Variants in JAKMIP1 observed in about 807,000 individuals in gnomAD.
The protein encoded by JAKMIP1 is janus kinase and microtubule interacting protein 1, also known as janus kinase and microtubule-interacting protein 1.
Under a neutral mutation model 113.0 loss-of-function variants are expected in JAKMIP1, and 33 were observed. The observed-to-expected ratio is 0.29, with a 90% CI of 0.22 to 0.39. The LOEUF is 0.39. Ranked by LOEUF, JAKMIP1 falls within the 10% of genes least tolerant of loss-of-function variation. JAKMIP1 has a pLI of 1.00. For missense variants in JAKMIP1, 813 were observed against 1,080.5 expected, an observed-to-expected ratio of 0.75 and a Z score of 3.47; for synonymous variants, 480 against 459.9, an observed-to-expected ratio of 1.04 and a Z score of -0.56.
intron 3 of JAKMIP1, among the ~76,000 whole-genome samples, chr4:6,101,695 T>C (rs943393193): frequency 1.5e-5 from 2 of 134,778 alleles, no homozygotes; most frequent in Non-Finnish European, 3.0e-5. Flanking sequence ...GAGACCAACC[T>C]GGCCAACATG....
At chr4:6,062,907 G>A (rs1410206286) in intron 9 of JAKMIP1, among the ~76,000 whole-genome samples, 1 of 152,238 alleles carries the variant, frequency 6.6e-6, no homozygotes, top group African/African-American at 2.4e-5. Context: ...AGCACTTTGG[G>A]AGGCTGAGGC....
At chr4:6,068,197 A>G (rs895901499) in intron 8 of JAKMIP1, among the ~76,000 whole-genome samples, 2 of 152,356 alleles carry the variant, frequency 1.3e-5, no homozygotes, top group Admixed American at 6.5e-5. Flanking sequence ...CAGGACTGCT[A>G]GTTAAGGACT....
At chr4:6,111,075 T>C (rs1714858451) in intron 2 of JAKMIP1, among the ~76,000 whole-genome samples, 1 of 152,030 alleles carries the variant, frequency 6.6e-6, no homozygotes, top group African/African-American at 2.4e-5. Context: ...CCCAGTCCCC[T>C]GGTCCAGAAC....
Position 6,137,511 on chromosome 4 carries a change from CT to C in JAKMIP1, c.-147-24515del, listed in dbSNP as rs1719417141. Reference sequence around the variant, plus strand: ...GCTAAGTAGGAACCCCCTTCAAGTCCTTTGCTCAGGGAAATCAGGAGCTGTG... The same window carrying C: ...GCTAAGTAGGAACCCCCTTCAAGTCCTTGCTCAGGGAAATCAGGAGCTGTG... On this transcript the variant is annotated intron_variant, in intron 1 of 20. Coordinates refer to ENST00000409021, the MANE Select transcript of JAKMIP1 (RefSeq NM_001099433.2). The surrounding 1 kb of genome is among the most constrained non-coding windows in gnomAD (Gnocchi z 4.5). 6.6e-6 allele frequency among the ~76,000 whole-genome samples: 1 copy of C among 152,248 alleles called. No homozygotes were observed. The highest frequency in any genetic ancestry group is 6.5e-5 in the Admixed American group (1 of 15,286).
Position 6,167,543 on chromosome 4 carries a change from A to G in JAKMIP1, c.-148+32710T>C, listed in dbSNP as rs1006319200. On this transcript the variant is annotated intron_variant, in intron 1 of 20. Transcript: ENST00000409021. This position sits in a 1 kb window ranked among gnomAD's most constrained non-coding sequence, Gnocchi z 5.3. ...AAGGGCCCTGAGCTTTGAAGGGCCC[A>G]TGCTTAGTGCTCTTCTGATGCCATC... Among the ~76,000 whole-genome samples the G allele has an allele frequency of 6.6e-6, 1 of 152,258 alleles. No homozygotes were observed. Among genetic ancestry groups the G allele is most frequent in the Admixed American group, 6.5e-5 (1 of 15,294 alleles).
At chr4:6,123,778 G>A (rs1303242156) in intron 1 of JAKMIP1, among the ~76,000 whole-genome samples, 2 of 152,066 alleles carry the variant, frequency 1.3e-5, no homozygotes, top group Non-Finnish European at 2.9e-5. Flanking sequence ...TTATGGTGGC[G>A]CCACTGCACT....
intron 1 of JAKMIP1, among the ~76,000 whole-genome samples, chr4:6,189,342 C>A (rs773827788): frequency 1.2e-4 from 19 of 152,212 alleles, no homozygotes; most frequent in Non-Finnish European, 2.4e-4. Context: ...TGGACTGATA[C>A]AACAATCAGG....
intron 3 of JAKMIP1, among the ~76,000 whole-genome samples, chr4:6,100,945 A>G (rs1287614653): frequency 6.6e-6 from 1 of 152,136 alleles, no homozygotes; most frequent in Non-Finnish European, 1.5e-5. Flanking sequence ...AATCTGCACA[A>G]AAGTTCTTTG....
chr4:6,084,056 G>T (rs866841424), intron 5 of JAKMIP1, among the ~76,000 whole-genome samples: 1 of 152,166 alleles, frequency 6.6e-6, no homozygotes, highest in African/African-American at 2.4e-5. Context: ...GGTGGCTCTT[G>T]TGTGTAATCC....
Position 6,157,785 on chromosome 4 carries a change from G to A in JAKMIP1, c.-148+42468C>T, listed in dbSNP as rs911592171. On this transcript the variant is annotated intron_variant, in intron 1 of 20. Coordinates refer to ENST00000409021, the MANE Select transcript of JAKMIP1 (RefSeq NM_001099433.2). This position sits in a 1 kb window ranked among gnomAD's most constrained non-coding sequence, Gnocchi z 4.7. ...AGCCATGAAGCAGCACACCCAGTAG[G>A]GTGTGAGTGAGGGACCGTAGAGTCG... Among the ~76,000 whole-genome samples, 2 of 152,202 alleles carry A rather than the reference G, an allele frequency of 1.3e-5. No individual in the cohort carries two copies. Among genetic ancestry groups the A allele is most frequent in the African/African-American group, 4.8e-5 (2 of 41,432 alleles).
intron 2 of JAKMIP1, among the ~76,000 whole-genome samples, chr4:6,111,236 C>G (rs73198062): frequency 0.11 from 17,201 of 152,232 alleles, 1,067 homozygotes; most frequent in Non-Finnish European, 0.14. Flanking sequence ...TGCTGCAATT[C>G]CCCAAGCAGC....
rs1327857558 is a variant in JAKMIP1 at position 6,048,930 on chromosome 4, A to T, written c.1963-8T>A. The T allele has an allele frequency of 6.2e-7, 1 of 1,613,132 alleles. No individual in the cohort carries two copies. The highest frequency in any genetic ancestry group is 1.3e-5 in the African/African-American group (1 of 75,012). ...TTCTTCATTTCTCAAATTCTAAAAC[A>T]CAAAAATGGGCAAGGGCATTTGACA... On this transcript the variant is annotated splice_polypyrimidine_tract_variant and splice_region_variant and intron_variant, in intron 15 of 20. Coordinates refer to ENST00000409021, the MANE Select transcript of JAKMIP1 (RefSeq NM_001099433.2).
chr4:6,194,342 A>G lies in JAKMIP1; in HGVS notation c.-148+5911T>C, dbSNP rs1432421340. On this transcript the variant is annotated intron_variant, in intron 1 of 20. Coordinates refer to ENST00000409021, the MANE Select transcript of JAKMIP1 (RefSeq NM_001099433.2). This position sits in a 1 kb window ranked among gnomAD's most constrained non-coding sequence, Gnocchi z 7.4. ...AAGAAGGGGAAAAAGAATTGCTTCA[A>G]TGGAAGACACAGGTTGTGATCTCAT... is the stretch of plus-strand genomic sequence containing the variant. 6.6e-6 allele frequency: 1 copy of G among 152,112 alleles called. No individual in the cohort carries two copies. Among genetic ancestry groups the G allele is most frequent in the Non-Finnish European group, 1.5e-5 (1 of 68,024 alleles). The allele number at this position is 152,112 out of a possible 1,614,324, so 9.4% of individuals were successfully genotyped here. A position where few individuals can be genotyped will look rare whatever the true frequency, so the allele number is the denominator to read the frequency against.
At chr4:6,152,056 G>C (rs1269448401) in intron 1 of JAKMIP1, among the ~76,000 whole-genome samples, 5 of 151,844 alleles carry the variant, frequency 3.3e-5, no homozygotes, top group African/African-American at 1.2e-4. Flanking sequence ...AAGGAAGCAG[G>C]CGAAGGAGGA....
chr4:6,096,179 C>T (rs189652280), intron 3 of JAKMIP1, among the ~76,000 whole-genome samples: 15 of 152,308 alleles, frequency 9.8e-5, no homozygotes, highest in African/African-American at 2.6e-4. Context: ...TCTCTTTTGA[C>T]ACTTAAATTA....
At position 6,031,547 on chromosome 4, in the gene JAKMIP1, T is replaced by C. The variant is rs962377047; in HGVS notation, c.2380-1766A>G. ...GGAATTCCAGGCAGAGGGAACGGCATGTGCAGGAGGCCAAGAGGCCTTTGG... is the reference window on the plus strand; with the variant it reads ...GGAATTCCAGGCAGAGGGAACGGCACGTGCAGGAGGCCAAGAGGCCTTTGG... On this transcript the variant is annotated intron_variant, in intron 19 of 20. Coordinates refer to ENST00000409021, the MANE Select transcript of JAKMIP1 (RefSeq NM_001099433.2). The surrounding 1 kb of genome is among the most constrained non-coding windows in gnomAD (Gnocchi z 4.4). Among the ~76,000 whole-genome samples, 1 of 151,958 alleles carries C rather than the reference T, an allele frequency of 6.6e-6. No homozygotes were observed. Among genetic ancestry groups the C allele is most frequent in the Non-Finnish European group, 1.5e-5 (1 of 67,990 alleles).
At chr4:6,133,162 G>A (rs1389036589) in intron 1 of JAKMIP1, among the ~76,000 whole-genome samples, 1 of 152,064 alleles carries the variant, frequency 6.6e-6, no homozygotes, top group Non-Finnish European at 1.5e-5. Context: ...TGACAAATCT[G>A]AATGAAAATC....
chr4:6,039,829 C>T (rs1171964140), intron 18 of JAKMIP1, among the ~76,000 whole-genome samples: 1 of 152,220 alleles, frequency 6.6e-6, no homozygotes, highest in South Asian at 2.1e-4. Context: ...CTCTGTCTTC[C>T]TGGAGCCTGT....
In JAKMIP1 at chr4:6,088,105, C is replaced by T. The variant is rs75250628; in HGVS notation, c.625-2476G>A. On this transcript the variant is annotated intron_variant, in intron 3 of 20. Transcript: ENST00000409021. The surrounding 1 kb of genome is among the most constrained non-coding windows in gnomAD (Gnocchi z 5.5). ...CTCAAGCACGCTTTCATTAACTCAA[C>T]ACATGCTGAGCTGAGCGCTATCAGT... 0.011 allele frequency among the ~76,000 whole-genome samples: 1,738 copies of T among 152,352 alleles called. 42 individuals are homozygous for T. Among genetic ancestry groups the T allele is most frequent in the African/African-American group, 0.039 (1,615 of 41,586 alleles).
Sources: gnomAD v4.1 joint callset for allele counts (sites outside exome capture counted in the v4.1 genomes callset) on GRCh38, gnomAD v4.1.1 for gene constraint, Gnocchi (gnomAD v3.1) non-coding constraint, MANE v1.5 for transcripts, NCBI Gene and HGNC (gene_info 2026-07-23, HGNC 2026-07-21) for gene names.